Variants in CEMIP2 observed in about 807,000 individuals in gnomAD.
CEMIP2 encodes the protein cell surface hyaluronidase CEMIP2.
In CEMIP2, 79 loss-of-function variants were observed where a neutral mutation model predicts 146.9. That is an observed-to-expected ratio of 0.54 (90% CI 0.45 to 0.65). CEMIP2 has a LOEUF of 0.65. CEMIP2 is among the 30% of genes least tolerant of loss of function. The pLI, the probability that CEMIP2 is intolerant of heterozygous loss-of-function variation, is 0.00. For synonymous variants in CEMIP2, 601 were observed against 606.3 expected (o/e 0.99, Z 0.13); for missense variants, 1,596 against 1,696.2 (o/e 0.94, Z 1.04).
chr9:71,748,987 T>TA (rs1211339824), intron 2 of CEMIP2, among the ~76,000 whole-genome samples: 2 of 152,352 alleles, frequency 1.3e-5, no homozygotes, highest in African/African-American at 2.4e-5. Context: ...TCCAGGCTGT[T>TA]AGAGTCTTCT....
At position 71,690,076 on chromosome 9, in the gene CEMIP2, C is replaced by G; in HGVS notation, c.3851+16G>C. ...TTAAGGTGGCTTTTCCCTGTTACAG[C>G]ACAAGCTTGACCTACCTTGGAGGGA... On this transcript the variant is annotated intron_variant, in intron 22 of 23. Coordinates refer to ENST00000377044, the MANE Select transcript of CEMIP2 (RefSeq NM_013390.3). 6.2e-7 allele frequency: 1 copy of G among 1,612,126 alleles called. No homozygotes were observed. The highest frequency in any genetic ancestry group is 8.5e-7 in the Non-Finnish European group (1 of 1,178,508).
chr9:71,685,115 A>T lies in CEMIP2; in HGVS notation c.*82T>A. 7.4e-7 allele frequency: 1 copy of T among 1,355,032 alleles called. No homozygotes were observed. 83.9% of individuals were successfully genotyped at this position (1,355,032 alleles called of 1,614,324 possible). A position where few individuals can be genotyped will look rare whatever the true frequency, so the allele number is the denominator to read the frequency against. ...AACTGGAAAATGGTTCCGTTGGGTT[A>T]ACAGTGTCATTTTAAAATGCCATAA... On this transcript the variant is annotated 3_prime_UTR_variant, in exon 24 of 24. Coordinates refer to ENST00000377044, the MANE Select transcript of CEMIP2 (RefSeq NM_013390.3).
At chr9:71,735,961 G>T (rs1383925356) in intron 5 of CEMIP2, among the ~76,000 whole-genome samples, 2 of 152,056 alleles carry the variant, frequency 1.3e-5, no homozygotes, top group Admixed American at 1.3e-4. Flanking sequence ...GGGCATGGTG[G>T]CACACGCTTG....
chr9:71,762,554 CAG>C (rs200210114), intron 1 of CEMIP2, among the ~76,000 whole-genome samples: 2,232 of 137,022 alleles, frequency 0.016, 30 homozygotes, highest in South Asian at 0.043. Context: ...AACAGGCAAA[CAG>C]GGGCTACGTG....
intron 1 of CEMIP2, among the ~76,000 whole-genome samples, chr9:71,755,552 T>C (rs1476634838): frequency 6.6e-6 from 1 of 151,554 alleles, no homozygotes; most frequent in Non-Finnish European, 1.5e-5. Context: ...TCTAAAAAAA[T>C]AAAAAATAAA....
At chr9:71,714,498 C>A (rs1021127477) in intron 15 of CEMIP2, among the ~76,000 whole-genome samples, 2 of 152,074 alleles carry the variant, frequency 1.3e-5, no homozygotes, top group Non-Finnish European at 2.9e-5. Flanking sequence ...TCCTAGGACT[C>A]TTTTCAGTAG....
chr9:71,764,917 T>A (rs894038707), intron 1 of CEMIP2, among the ~76,000 whole-genome samples: 9 of 148,270 alleles, frequency 6.1e-5, no homozygotes, highest in Non-Finnish European at 1.2e-4. Context: ...TAGCTTTTCT[T>A]CCTTTTTTTT....
intron 1 of CEMIP2, among the ~76,000 whole-genome samples, chr9:71,756,621 G>A (rs1306295802): frequency 6.6e-6 from 1 of 151,704 alleles, no homozygotes; most frequent in Non-Finnish European, 1.5e-5. Context: ...TGGGCAATTT[G>A]ACTAATTTCT....
intron 17 of CEMIP2, among the ~76,000 whole-genome samples, chr9:71,708,985 C>T (rs1822830598): frequency 6.6e-6 from 1 of 152,166 alleles, no homozygotes; most frequent in Admixed American, 6.5e-5. Flanking sequence ...TACGTTCCAA[C>T]CACATTTAAC....
At chr9:71,748,195 G>A (rs1021797738) in intron 2 of CEMIP2, among the ~76,000 whole-genome samples, 2 of 152,056 alleles carry the variant, frequency 1.3e-5, no homozygotes, top group African/African-American at 4.8e-5. Context: ...TTATTTCCCA[G>A]GAGAGCATGG....
At chr9:71,712,399 T>C in intron 15 of CEMIP2, 139 bp from the exon 16 acceptor site, 2 of 714,122 alleles carry the variant, frequency 2.8e-6, no homozygotes, top group African/African-American at 1.8e-5. Context: ...CAAAACAAGA[T>C]ACCTGATTGA....
intron 4 of CEMIP2, among the ~76,000 whole-genome samples, chr9:71,740,478 A>T (rs957341868): frequency 6.6e-6 from 1 of 152,204 alleles, no homozygotes; most frequent in Admixed American, 6.5e-5. Context: ...GATGACTACA[A>T]TTTCAATTAA....
intron 21 of CEMIP2, among the ~76,000 whole-genome samples, chr9:71,692,786 G>T (rs1235575698): frequency 1.3e-5 from 2 of 152,078 alleles, no homozygotes; most frequent in Admixed American, 6.6e-5. Context: ...ACTAAAGCAT[G>T]TGCCTTTAGT....
chr9:71,759,698 G>A (rs1824567277), intron 1 of CEMIP2, among the ~76,000 whole-genome samples: 1 of 152,130 alleles, frequency 6.6e-6, no homozygotes, highest in African/African-American at 2.4e-5. Flanking sequence ...AATGATCCGT[G>A]GAGGTAGTCT....
At chr9:71,689,998 G>T in intron 22 of CEMIP2, 94 bp downstream of exon 22, 1 of 1,470,898 alleles carries the variant, frequency 6.8e-7, no homozygotes, top group Non-Finnish European at 9.3e-7. Flanking sequence ...AATGTCCAGA[G>T]AGTAAAAAAT....
chr9:71,709,348 C>G lies in CEMIP2; in HGVS notation c.2896G>C (p.Gly966Arg). 1 of 1,614,166 alleles carries G rather than the reference C, an allele frequency of 6.2e-7. No individual in the cohort carries two copies. Among genetic ancestry groups the G allele is most frequent in the Non-Finnish European group, 8.5e-7 (1 of 1,180,028 alleles). Residue 966 changes from glycine to arginine, a missense_variant, in exon 17 of 24, where the codon GGA (glycine) becomes CGA (arginine). By Grantham distance (125) the Gly-to-Arg change is moderately radical. Coordinates refer to ENST00000377044, the MANE Select transcript of CEMIP2 (RefSeq NM_013390.3). The stretch of plus-strand genomic sequence containing the variant: ...CGGATCAGGTAGTTGTCCATTCTTC[C>G]CACATAAGCATCCTTGTATCCTGTC... Reference protein sequence around the residue: ...SVTGYKDAYVGRMDNYLIRHP... With the variant: ...SVTGYKDAYVRRMDNYLIRHP...
intron 15 of CEMIP2, chr9:71,712,493 A>G: frequency 2.2e-6 from 1 of 463,878 alleles, no homozygotes; most frequent in Non-Finnish European, 3.8e-6. Context: ...ACCATAAGAC[A>G]CAACATTATC....
At chr9:71,735,059 A>G in intron 5 of CEMIP2, 65 bp from the exon 6 acceptor site, 1 of 1,515,564 alleles carries the variant, frequency 6.6e-7, no homozygotes, top group East Asian at 2.3e-5. Context: ...TCTCTCTAAA[A>G]TGAACCCTCA....
intron 5 of CEMIP2, among the ~76,000 whole-genome samples, chr9:71,735,277 G>A (rs565764951): frequency 1.2e-4 from 19 of 152,012 alleles, no homozygotes; most frequent in Non-Finnish European, 2.5e-4. Context: ...TACTTTTGAA[G>A]AAGGCTCTAG....
Sources: gnomAD v4.1 joint callset for allele counts (sites outside exome capture counted in the v4.1 genomes callset) on GRCh38, gnomAD v4.1.1 for gene constraint, MANE v1.5 for transcripts, NCBI Gene and HGNC (gene_info 2026-07-23, HGNC 2026-07-21) for gene names.